BRAF: variants seen among roughly 807,000 people sequenced by gnomAD.
BRAF encodes B-Raf proto-oncogene, serine/threonine kinase.
BRAF carries 16 observed loss-of-function variants against 104.6 expected under a neutral mutation model. The ratio of observed to expected loss-of-function variants is 0.15; its 90% CI spans 0.10 to 0.23. The LOEUF (loss-of-function observed/expected upper bound fraction) is 0.23, where lower values mean the gene tolerates loss of function less well. Among genes scored for constraint, BRAF ranks in the 10% least tolerant of loss-of-function variants. BRAF has a pLI of 1.00. For missense variants in BRAF, 541 were observed against 937.3 expected, an observed-to-expected ratio of 0.58 and a Z score of 5.52; for synonymous variants, 310 against 341.6, an observed-to-expected ratio of 0.91 and a Z score of 1.02.
At chr7:140,895,781 C>T (rs931832421) in intron 1 of BRAF, among the ~76,000 whole-genome samples, 1 of 152,162 alleles carries the variant, frequency 6.6e-6, no homozygotes, top group African/African-American at 2.4e-5. Flanking sequence ...GGCTGAATAG[C>T]ATTCCATCGG....
At position 140,752,937 on chromosome 7, in the gene BRAF, C is replaced by T. The variant is rs185883818; in HGVS notation, c.1980+338G>A. On this transcript the variant is annotated intron_variant, in intron 16 of 19. Transcript: ENST00000644969. The stretch of plus-strand genomic sequence containing the variant: ...ACAATTTAGAATAAAATATGAAACA[C>T]TGTTTATAAGACATATATTTTTGTT... Among the ~76,000 whole-genome samples, 628 of 151,782 alleles carry T rather than the reference C, an allele frequency of 4.1e-3. 4 individuals carry two copies. The highest frequency in any genetic ancestry group is 0.021 in the Middle Eastern group (6 of 290).
chr7:140,733,324 T>C (rs544001618), intron 19 of BRAF: 31 of 151,704 alleles, frequency 2.0e-4, no homozygotes, highest in African/African-American at 7.0e-4. Flanking sequence ...TGGAAGAACC[T>C]TGATCTATTG....
At chr7:140,734,314 C>G (rs1796203731) in intron 19 of BRAF, 1 of 1,250,308 alleles carries the variant, frequency 8.0e-7, no homozygotes, top group Admixed American at 3.5e-5. Context: ...TTAAAATAAC[C>G]AAGTGAATGA....
At chr7:140,905,805 T>C (rs1018103760) in intron 1 of BRAF, among the ~76,000 whole-genome samples, 5 of 152,154 alleles carry the variant, frequency 3.3e-5, no homozygotes, top group Non-Finnish European at 7.3e-5. Flanking sequence ...AATTAAAACA[T>C]AGGCCGGGCG....
In BRAF at chr7:140,924,661, C is replaced by G; in HGVS notation, c.43G>C (p.Gly15Arg). The change falls in exon 1 of 20, where the codon GGC (glycine) becomes CGC (arginine). Residue 15 changes from glycine to arginine, a missense_variant. Physicochemically the swap from Gly to Arg is moderately radical, Grantham distance 125. Coordinates refer to ENST00000644969, the MANE Select transcript of BRAF (RefSeq NM_001374258.1). The surrounding 1 kb of genome is among the most constrained non-coding windows in gnomAD (Gnocchi z 4.2). Reference sequence around the variant, plus strand: ...ATGTCCCCGTTGAACAGAGCCTGGCCCGGCTCCGCGCCGCCACCACCGCCA... The same window carrying G: ...ATGTCCCCGTTGAACAGAGCCTGGCGCGGCTCCGCGCCGCCACCACCGCCA... The part of the protein sequence containing the change: ...SGGGGGGAEP[G>R]QALFNGDMEP... 7.3e-7 allele frequency: 1 copy of G among 1,373,426 alleles called. No homozygotes were observed. Among genetic ancestry groups the G allele is most frequent in the South Asian group, 1.3e-5 (1 of 79,632 alleles). The allele number at this position is 1,373,426 out of a possible 1,614,324, so 85.1% of individuals were successfully genotyped here.
chr7:140,743,236 G>T (rs951803951), intron 17 of BRAF, among the ~76,000 whole-genome samples: 1 of 151,278 alleles, frequency 6.6e-6, no homozygotes, highest in Non-Finnish European at 1.5e-5. Flanking sequence ...TATACCCAAA[G>T]GACTATAAAT....
At chr7:140,909,884 T>C (rs997663565) in intron 1 of BRAF, among the ~76,000 whole-genome samples, 2 of 151,920 alleles carry the variant, frequency 1.3e-5, no homozygotes, top group African/African-American at 4.8e-5. Context: ...TTACTGTCTA[T>C]GCTCACATCA....
chr7:140,733,191 TAAAG>T (rs927298409), intron 19 of BRAF: 1 of 152,216 alleles, frequency 6.6e-6, no homozygotes, highest in Non-Finnish European at 1.5e-5. Context: ...AGTATTCAAA[TAAAG>T]AAAATGTTTC....
At chr7:140,748,418 A>G (rs997900190) in intron 17 of BRAF, among the ~76,000 whole-genome samples, 2 of 152,090 alleles carry the variant, frequency 1.3e-5, no homozygotes, top group African/African-American at 4.8e-5. Context: ...AGGTGATTGG[A>G]CCCTCCCCAT....
intron 10 of BRAF, among the ~76,000 whole-genome samples, chr7:140,785,022 T>G (rs952991616): frequency 6.6e-6 from 1 of 152,232 alleles, no homozygotes; most frequent in African/African-American, 2.4e-5. Context: ...GAAATTATAC[T>G]GTAAACTTTC....
At chr7:140,789,723 T>G (rs1801756945) in intron 8 of BRAF, among the ~76,000 whole-genome samples, 1 of 152,222 alleles carries the variant, frequency 6.6e-6, no homozygotes, top group South Asian at 2.1e-4. Flanking sequence ...GATTGCCAAC[T>G]AAGTGATACA....
At chr7:140,882,553 T>C (rs1046465041) in intron 1 of BRAF, among the ~76,000 whole-genome samples, 2 of 151,968 alleles carry the variant, frequency 1.3e-5, no homozygotes, top group Admixed American at 6.5e-5. Flanking sequence ...AATTTTTGTA[T>C]TTTTAGTAGA....
downstream of BRAF, among the ~76,000 whole-genome samples, chr7:140,715,467 A>G (rs1328699327): frequency 6.6e-6 from 1 of 152,096 alleles, no homozygotes; most frequent in African/African-American, 2.4e-5. Context: ...CCACTCCCCA[A>G]TATCAATAAA....
At chr7:140,716,134 C>T (rs751979017), downstream of BRAF, among the ~76,000 whole-genome samples, 2 of 152,168 alleles carry the variant, frequency 1.3e-5, no homozygotes, top group Non-Finnish European at 2.9e-5. Context: ...ATTCTACATA[C>T]TAAAGAAGAA....
At chr7:140,793,093 G>GATA (rs1802145591) in intron 8 of BRAF, among the ~76,000 whole-genome samples, 1 of 152,196 alleles carries the variant, frequency 6.6e-6, no homozygotes, top group East Asian at 1.9e-4. Context: ...ATGAAAAGGT[G>GATA]ATACCCTGTG....
At chr7:140,847,059 G>A (rs1036455914) in intron 2 of BRAF, among the ~76,000 whole-genome samples, 4 of 152,100 alleles carry the variant, frequency 2.6e-5, no homozygotes, top group Non-Finnish European at 4.4e-5. Flanking sequence ...AGAGGCTGAC[G>A]CAGGAGAATC....
chr7:140,921,023 G>T (rs891164888), intron 1 of BRAF, among the ~76,000 whole-genome samples: 2 of 152,088 alleles, frequency 1.3e-5, no homozygotes, highest in Non-Finnish European at 2.9e-5. Flanking sequence ...TTATATCCCA[G>T]AATATTCCCT....
rs1207255710 is a variant in BRAF, at chr7:140,806,139, G to A, written c.711+1821C>T. ...CTGAACTTCTTTCAAAACTTTGAAA[G>A]GTAACATGCTTTCTTGCTCTTCCCT... is the stretch of plus-strand genomic sequence containing the variant. On this transcript the variant is annotated intron_variant, in intron 5 of 19. Coordinates refer to ENST00000644969, the MANE Select transcript of BRAF (RefSeq NM_001374258.1). Among the ~76,000 whole-genome samples, 5 of 152,124 alleles carry A rather than the reference G, an allele frequency of 3.3e-5. No homozygotes were observed. In the South Asian group the frequency reaches 8.3e-4, roughly 25 times the overall value.
At chr7:140,777,205 T>TTA (rs1189496533) in intron 13 of BRAF, 117 bp from the exon 13 acceptor site, 10 of 931,492 alleles carry the variant, frequency 1.1e-5, no homozygotes, top group Admixed American at 2.4e-5. Flanking sequence ...TTTTTTTTTT[T>TTA]AAAAAAGGCA....
Sources: allele counts gnomAD v4.1 joint callset (sites outside exome capture counted in the v4.1 genomes callset), GRCh38; gene constraint gnomAD v4.1.1; non-coding constraint Gnocchi (gnomAD v3.1); transcripts MANE v1.5; gene names NCBI Gene and HGNC (gene_info 2026-07-23, HGNC 2026-07-21).